ABI3BP: variants seen among roughly 807,000 people sequenced by gnomAD.
ABI3BP encodes the protein ABI family member 3 binding protein, also known as target of Nesh-SH3.
ABI3BP carries 216 observed loss-of-function variants against 268.6 expected under a neutral mutation model. The ratio of observed to expected loss-of-function variants is 0.80; its 90% CI spans 0.72 to 0.90. ABI3BP has a LOEUF of 0.90. Ranked by LOEUF, ABI3BP falls within the 40% of genes least tolerant of loss-of-function variation. The pLI is 0.00. For missense variants in ABI3BP, 2,090 were observed against 2,182.4 expected, an observed-to-expected ratio of 0.96 and a Z score of 0.84; for synonymous variants, 730 against 730.0, an observed-to-expected ratio of 1.00 and a Z score of 0.00.
intron 1 of ABI3BP, among the ~76,000 whole-genome samples, chr3:100,964,404 C>T (rs569927106): frequency 2.0e-5 from 3 of 152,182 alleles, no homozygotes; most frequent in Non-Finnish European, 4.4e-5. Flanking sequence ...CTATAAATTC[C>T]GGGGCATCCG....
At chr3:100,863,866 G>T in intron 12 of ABI3BP, 136 bp downstream of exon 12, 1 of 653,254 alleles carries the variant, frequency 1.5e-6, no homozygotes, top group Non-Finnish European at 2.6e-6. Flanking sequence ...GAGCCTCTTT[G>T]GGATCCTAAA....
chr3:100,890,604 A>G (rs1325050328), intron 4 of ABI3BP, among the ~76,000 whole-genome samples: 1 of 152,098 alleles, frequency 6.6e-6, no homozygotes, highest in Non-Finnish European at 1.5e-5. Flanking sequence ...CTGCCACTAT[A>G]TTTTAACATG....
intron 63 of ABI3BP, among the ~76,000 whole-genome samples, chr3:100,764,938 C>T (rs144160111): frequency 4.6e-5 from 7 of 152,096 alleles, no homozygotes; most frequent in African/African-American, 1.7e-4. Context: ...TTTGCAGTAT[C>T]GGACTAGTTT....
At chr3:100,924,369 T>C (rs1243433782) in intron 2 of ABI3BP, among the ~76,000 whole-genome samples, 1 of 152,170 alleles carries the variant, frequency 6.6e-6, no homozygotes, top group East Asian at 1.9e-4. Flanking sequence ...TAAAATGGTA[T>C]TATAGAATTA....
chr3:100,866,957 C>T lies in ABI3BP; in HGVS notation c.911-1G>A. ...GGTAATGCCAAGGTTTCATTCTTAG[C>T]TAAAAAGTCAGAGAACAAACAATTT... is the stretch of plus-strand genomic sequence containing the variant. On this transcript the variant is annotated splice_acceptor_variant, in intron 9 of 67. Transcript: ENST00000471714. LOFTEE classifies it high-confidence loss of function. The T allele has an allele frequency of 6.2e-7, 1 of 1,613,314 alleles. No homozygotes were observed. Among genetic ancestry groups the T allele is most frequent in the Non-Finnish European group, 8.5e-7 (1 of 1,179,536 alleles).
chr3:100,909,803 C>A (rs1350931365), intron 2 of ABI3BP, among the ~76,000 whole-genome samples: 3 of 152,178 alleles, frequency 2.0e-5, no homozygotes, highest in African/African-American at 4.8e-5. Context: ...AATAGGAACA[C>A]TTTTACACTG....
chr3:100,978,644 A>G (rs527492076), intron 1 of ABI3BP, among the ~76,000 whole-genome samples: 4 of 152,360 alleles, frequency 2.6e-5, no homozygotes, highest in African/African-American at 7.2e-5. Context: ...ACTAGAGGGT[A>G]TCACTCTATC....
chr3:100,772,540 T>A (rs1170235082), intron 61 of ABI3BP, among the ~76,000 whole-genome samples: 2 of 152,086 alleles, frequency 1.3e-5, no homozygotes, highest in East Asian at 3.8e-4. Flanking sequence ...CGGCAGATTG[T>A]GATAAATTAA....
At chr3:100,906,583 C>A (rs936577889) in intron 2 of ABI3BP, among the ~76,000 whole-genome samples, 1 of 152,156 alleles carries the variant, frequency 6.6e-6, no homozygotes, top group Non-Finnish European at 1.5e-5. Context: ...AAGATATATA[C>A]CTAAAATGTC....
chr3:100,922,676 G>C (rs2060648091), intron 2 of ABI3BP, among the ~76,000 whole-genome samples: 1 of 152,038 alleles, frequency 6.6e-6, no homozygotes, highest in South Asian at 2.1e-4. Flanking sequence ...CTAAAAGCTG[G>C]AAAAGACATA....
chr3:100,780,605 T>TA (rs142655332), intron 57 of ABI3BP, among the ~76,000 whole-genome samples: 4,705 of 151,912 alleles, frequency 0.031, 233 homozygotes, highest in African/African-American at 0.1. Context: ...CTATGCCCAT[T>TA]AAAAAAAACC....
In ABI3BP at chr3:100,983,150, C is replaced by A. The variant is rs186436029; in HGVS notation, c.79+10156G>T. 2.3e-3 allele frequency among the ~76,000 whole-genome samples: 355 copies of A among 152,296 alleles called. 1 individual carries two copies. Among genetic ancestry groups the A allele is most frequent in the African/African-American group, 8.0e-3 (333 of 41,562 alleles). On this transcript the variant is annotated intron_variant, in intron 1 of 67. Transcript: ENST00000471714. The stretch of plus-strand genomic sequence containing the variant: ...ACGAGAAAGGATATCTGAAGCTCCA[C>A]CTTGGCATCACCTTGTAAGCAAAGC...
At chr3:100,935,967 A>C (rs1292585675) in intron 1 of ABI3BP, among the ~76,000 whole-genome samples, 1 of 151,944 alleles carries the variant, frequency 6.6e-6, no homozygotes, top group Non-Finnish European at 1.5e-5. Flanking sequence ...AGTACCCTTT[A>C]TTTCTTTCTC....
chr3:100,820,557 G>T (rs1006510769), intron 39 of ABI3BP, among the ~76,000 whole-genome samples: 22 of 152,108 alleles, frequency 1.4e-4, no homozygotes, highest in Admixed American at 3.9e-4. Flanking sequence ...CAAATAAAAA[G>T]GTCAAGAGTC....
At position 100,795,018 on chromosome 3, in the gene ABI3BP, G is replaced by A; in HGVS notation, c.3866-15C>T. The stretch of plus-strand genomic sequence containing the variant: ...CTCTAGAGGAGCTGCAAAAAGAAAA[G>A]GACCAAGGTTGTAAATTTTTAGATT... On this transcript the variant is annotated splice_polypyrimidine_tract_variant and intron_variant, in intron 53 of 67. Coordinates refer to ENST00000471714, the MANE Select transcript of ABI3BP (RefSeq NM_001375547.2). 7.0e-7 allele frequency: 1 copy of A among 1,433,112 alleles called. No homozygotes were observed. 88.8% of individuals were successfully genotyped at this position (1,433,112 alleles called of 1,614,324 possible). A position where few individuals can be genotyped will look rare whatever the true frequency, so the allele number is the denominator to read the frequency against.
At chr3:100,819,850 G>A (rs993586720) in intron 40 of ABI3BP, among the ~76,000 whole-genome samples, 3 of 150,970 alleles carry the variant, frequency 2.0e-5, no homozygotes, top group African/African-American at 4.9e-5. Context: ...TCAGGAGGCT[G>A]AGGCAGGAGA....
chr3:100,800,994 C>T (rs1319759559), intron 51 of ABI3BP, among the ~76,000 whole-genome samples: 1 of 151,998 alleles, frequency 6.6e-6, no homozygotes, highest in African/African-American at 2.4e-5. Context: ...TGATATTATT[C>T]CTGTTTTCTC....
chr3:100,951,017 A>G (rs2074737958), intron 1 of ABI3BP, among the ~76,000 whole-genome samples: 1 of 151,964 alleles, frequency 6.6e-6, no homozygotes, highest in Non-Finnish European at 1.5e-5. Flanking sequence ...TATCTGCCAC[A>G]CTAACTGCTC....
At chr3:100,900,232 G>A (rs750221554) in intron 3 of ABI3BP, among the ~76,000 whole-genome samples, 2 of 149,548 alleles carry the variant, frequency 1.3e-5, no homozygotes, top group Non-Finnish European at 2.9e-5. Flanking sequence ...AAATTGTCAT[G>A]TATGAGCTCC....
Sources: gnomAD v4.1 joint callset for allele counts (sites outside exome capture counted in the v4.1 genomes callset) on GRCh38, gnomAD v4.1.1 for gene constraint, MANE v1.5 for transcripts, NCBI Gene and HGNC (gene_info 2026-07-23, HGNC 2026-07-21) for gene names.